Variants in WDFY1 observed in about 807,000 individuals in gnomAD.
The protein encoded by WDFY1 is WD repeat and FYVE domain containing 1, also known as WD repeat and FYVE domain-containing protein 1.
A neutral mutation model predicts 56.4 loss-of-function variants in WDFY1; 32 were observed. The ratio of observed to expected loss-of-function variants is 0.57; its 90% confidence interval spans 0.43 to 0.76. The LOEUF (loss-of-function observed/expected upper bound fraction) is 0.76, where lower values mean the gene tolerates loss of function less well. Among genes scored for constraint, WDFY1 ranks in the 30% least tolerant of loss-of-function variants. The probability of loss-of-function intolerance (pLI) is 0.00; values close to 1 mark genes in which losing one functional copy is unlikely to be tolerated. For synonymous variants in WDFY1, 192 were observed against 197.3 expected (o/e 0.97, Z 0.23); for missense variants, 480 against 545.7 (o/e 0.88, Z 1.20).
intron 1 of WDFY1, among the ~76,000 whole-genome samples, chr2:223,929,855 C>T (rs4674831): frequency 0.19 from 8,179 of 42,520 alleles, 454 homozygotes; most frequent in East Asian, 0.38. Flanking sequence ...AACTTTCTCT[C>T]TTATCAAGAT....
chr2:223,882,084 A>AC lies in WDFY1; in HGVS notation c.934-13dup. 1.2e-6 allele frequency: 2 copies of AC among 1,610,888 alleles called. No individual in the cohort carries two copies. Among genetic ancestry groups the AC allele is most frequent in the Non-Finnish European group, 8.5e-7 (1 of 1,178,232 alleles). On this transcript the variant is annotated splice_polypyrimidine_tract_variant and intron_variant, in intron 9 of 11. Transcript: ENST00000233055. ...TTCCTGCAGTGATGCTTCACAGGTG[A>AC]CCGGGAGGAGGAAAACAGGGTGTTA...
chr2:223,929,068 G>A (rs1446564484), intron 1 of WDFY1, among the ~76,000 whole-genome samples: 1 of 152,136 alleles, frequency 6.6e-6, no homozygotes, highest in Non-Finnish European at 1.5e-5. Flanking sequence ...GGACAGTGAA[G>A]GAGAAGATGC....
At chr2:223,936,468 G>C (rs1283785207) in intron 1 of WDFY1, among the ~76,000 whole-genome samples, 1 of 152,196 alleles carries the variant, frequency 6.6e-6, no homozygotes, top group African/African-American at 2.4e-5. Context: ...TAGTGGGACA[G>C]ATCCAAGTAC....
chr2:223,889,240 A>G (rs1260645520), intron 8 of WDFY1, among the ~76,000 whole-genome samples: 1 of 152,074 alleles, frequency 6.6e-6, no homozygotes, highest in South Asian at 2.1e-4. Flanking sequence ...CAAGTGGTTC[A>G]TAGCAAGTGG....
intron 1 of WDFY1, among the ~76,000 whole-genome samples, chr2:223,935,150 A>G (rs1183552821): frequency 1.3e-5 from 2 of 152,136 alleles, no homozygotes; most frequent in Non-Finnish European, 2.9e-5. Flanking sequence ...TGCCCCCATC[A>G]ATACTGGTTG....
chr2:223,933,189 C>G (rs1051348076), intron 1 of WDFY1, among the ~76,000 whole-genome samples: 7 of 152,164 alleles, frequency 4.6e-5, no homozygotes, highest in Non-Finnish European at 8.8e-5. Context: ...TCCCCTCCCA[C>G]AGGACAGCTT....
At chr2:223,888,737 C>A (rs1693213128) in intron 8 of WDFY1, among the ~76,000 whole-genome samples, 1 of 150,992 alleles carries the variant, frequency 6.6e-6, no homozygotes, top group Non-Finnish European at 1.5e-5. Context: ...CAGGTGCCCA[C>A]CACCACACCC....
intron 1 of WDFY1, among the ~76,000 whole-genome samples, chr2:223,942,277 T>C (rs888639204): frequency 2.0e-5 from 3 of 151,812 alleles, no homozygotes; most frequent in African/African-American, 7.3e-5. Context: ...TGGAGTGCAG[T>C]GGCACAATCT....
chr2:223,915,762 G>A (rs1213946999), intron 2 of WDFY1, among the ~76,000 whole-genome samples: 1 of 152,180 alleles, frequency 6.6e-6, no homozygotes. Flanking sequence ...TAAGGAGTTA[G>A]CCTAACAGAA....
intron 3 of WDFY1, among the ~76,000 whole-genome samples, chr2:223,911,291 G>T (rs1333460494): frequency 6.6e-6 from 1 of 151,770 alleles, no homozygotes; most frequent in Non-Finnish European, 1.5e-5. Flanking sequence ...TGCAGGGAGG[G>T]GTGATGAAAA....
chr2:223,936,446 A>C (rs951842526), intron 1 of WDFY1, among the ~76,000 whole-genome samples: 1 of 152,212 alleles, frequency 6.6e-6, no homozygotes, highest in Non-Finnish European at 1.5e-5. Flanking sequence ...AGCCTAGTTA[A>C]AGATAGGAGA....
At chr2:223,899,192 A>C in intron 5 of WDFY1, 122 bp from the exon 6 acceptor site, 2 of 695,022 alleles carry the variant, frequency 2.9e-6, no homozygotes, top group Non-Finnish European at 5.0e-6. Flanking sequence ...AAAGAGAATA[A>C]GCATACACGT....
intron 10 of WDFY1, 118 bp downstream of exon 10, chr2:223,881,824 C>T: frequency 1.5e-6 from 2 of 1,371,666 alleles, no homozygotes; most frequent in Non-Finnish European, 2.0e-6. Context: ...TTAGGAAATT[C>T]AGGAGAAACA....
intron 8 of WDFY1, among the ~76,000 whole-genome samples, chr2:223,893,949 GA>G (rs1427132673): frequency 1.3e-5 from 2 of 152,214 alleles, no homozygotes; most frequent in Admixed American, 6.5e-5. Flanking sequence ...GGATATGCCA[GA>G]AATCTGTCTC....
intron 1 of WDFY1, among the ~76,000 whole-genome samples, chr2:223,926,664 G>A (rs553968732): frequency 1.3e-5 from 2 of 151,808 alleles, no homozygotes; most frequent in East Asian, 3.9e-4. Flanking sequence ...GTGTGTGTGT[G>A]TGTGTGTGTA....
At chr2:223,912,440 G>C (rs1693720726) in intron 2 of WDFY1, 114 bp from the exon 3 acceptor site, 1 of 718,762 alleles carries the variant, frequency 1.4e-6, no homozygotes, top group Admixed American at 3.8e-5. Context: ...ACAGAAAGAG[G>C]GTAAAAACGT....
chr2:223,916,588 G>A (rs949748038), intron 2 of WDFY1, among the ~76,000 whole-genome samples: 11 of 152,166 alleles, frequency 7.2e-5, no homozygotes, highest in East Asian at 3.8e-4. Flanking sequence ...GATTAAGGAC[G>A]AAACCTCAAG....
chr2:223,929,127 C>T (rs1158291880), intron 1 of WDFY1, among the ~76,000 whole-genome samples: 1 of 151,802 alleles, frequency 6.6e-6, no homozygotes, highest in Non-Finnish European at 1.5e-5. Flanking sequence ...AGGCAATAAA[C>T]TGTGCCTCTC....
chr2:223,902,541 G>A (rs1693522392), intron 4 of WDFY1, among the ~76,000 whole-genome samples: 1 of 152,002 alleles, frequency 6.6e-6, no homozygotes, highest in African/African-American at 2.4e-5. Context: ...CTCCAGCCTG[G>A]GTAAGACAGC....
Sources: gnomAD v4.1 joint callset for allele counts (sites outside exome capture counted in the v4.1 genomes callset) on GRCh38, gnomAD v4.1.1 for gene constraint, MANE v1.5 for transcripts, NCBI Gene and HGNC (gene_info 2026-07-23, HGNC 2026-07-21) for gene names.